Variants in ERC2 observed in about 807,000 individuals in gnomAD.
ERC2 encodes ELKS/RAB6-interacting/CAST family member 2, also known as ERC protein 2.
In ERC2, 42 loss-of-function variants were observed where a neutral mutation model predicts 114.8. The observed-to-expected ratio is 0.37, with a 90% CI of 0.29 to 0.47. The LOEUF is 0.47. ERC2 is among the 20% of genes least tolerant of loss of function. The pLI is 0.99. For missense variants in ERC2, 939 were observed against 1,150.7 expected, an observed-to-expected ratio of 0.82 and a Z score of 2.66; for synonymous variants, 454 against 425.5, an observed-to-expected ratio of 1.07 and a Z score of -0.82.
At chr3:55,633,964 T>C (rs888060788) in intron 17 of ERC2, among the ~76,000 whole-genome samples, 1 of 152,160 alleles carries the variant, frequency 6.6e-6, no homozygotes, top group East Asian at 1.9e-4. Context: ...ATGGCCTCTA[T>C]AGAGACTTCA....
intron 12 of ERC2, among the ~76,000 whole-genome samples, chr3:55,954,124 G>A (rs1336931659): frequency 1.5e-4 from 22 of 144,142 alleles, no homozygotes; most frequent in Non-Finnish European, 2.7e-4. Context: ...GTTTCTTTGG[G>A]GTGAAATTTT....
chr3:55,907,027 A>G (rs1433414155), intron 13 of ERC2, among the ~76,000 whole-genome samples: 1 of 152,138 alleles, frequency 6.6e-6, no homozygotes, highest in Non-Finnish European at 1.5e-5. Flanking sequence ...TTTCCTGAAA[A>G]CAGATACTGC....
At chr3:56,072,745 G>A (rs138960318) in intron 7 of ERC2, among the ~76,000 whole-genome samples, 2 of 152,082 alleles carry the variant, frequency 1.3e-5, no homozygotes, top group Non-Finnish European at 2.9e-5. Context: ...TCATATTAAA[G>A]GTCACTATTT....
chr3:55,712,702 C>T (rs1174336341), intron 15 of ERC2, among the ~76,000 whole-genome samples: 2 of 152,290 alleles, frequency 1.3e-5, no homozygotes, highest in Middle Eastern at 3.4e-3. Context: ...AAATAGGATG[C>T]TCCCTGCCTC....
chr3:55,823,160 G>T (rs1029070909), intron 14 of ERC2, among the ~76,000 whole-genome samples: 17 of 152,152 alleles, frequency 1.1e-4, no homozygotes, highest in Non-Finnish European at 1.9e-4. Context: ...TTGTAATTGA[G>T]CTGGCTTCAT....
chr3:55,829,136 A>G (rs2060462989), intron 14 of ERC2, among the ~76,000 whole-genome samples: 1 of 152,192 alleles, frequency 6.6e-6, no homozygotes, highest in Non-Finnish European at 1.5e-5. Context: ...CTCTCAAAAA[A>G]AATTTAGAAT....
chr3:55,828,592 A>G (rs2060433582), intron 14 of ERC2, among the ~76,000 whole-genome samples: 1 of 151,866 alleles, frequency 6.6e-6, no homozygotes, highest in South Asian at 2.1e-4. Flanking sequence ...TGAATCCTGG[A>G]GGGAAAAGAG....
intron 3 of ERC2, among the ~76,000 whole-genome samples, chr3:56,243,384 C>T (rs2051454286): frequency 6.6e-6 from 1 of 152,176 alleles, no homozygotes; most frequent in African/African-American, 2.4e-5. Flanking sequence ...GGACCTCAAG[C>T]TGCTGACAAG....
chr3:55,942,017 A>AGG (rs1255794863), intron 13 of ERC2, among the ~76,000 whole-genome samples: 7 of 152,162 alleles, frequency 4.6e-5, no homozygotes, highest in Non-Finnish European at 8.8e-5. Context: ...CCCAATGCTG[A>AGG]GGGGCACAAG....
At chr3:55,660,864 T>C (rs2061100314) in intron 17 of ERC2, among the ~76,000 whole-genome samples, 1 of 152,128 alleles carries the variant, frequency 6.6e-6, no homozygotes, top group Non-Finnish European at 1.5e-5. Context: ...ATAATAACAA[T>C]AAAAGCATAA....
chr3:56,201,543 A>C (rs1379685862), intron 3 of ERC2, among the ~76,000 whole-genome samples: 1 of 152,198 alleles, frequency 6.6e-6, no homozygotes, highest in Non-Finnish European at 1.5e-5. Context: ...AATTCTAAGA[A>C]TCTCATTAAA....
At chr3:55,868,428 G>A (rs779992431) in intron 14 of ERC2, among the ~76,000 whole-genome samples, 11 of 152,208 alleles carry the variant, frequency 7.2e-5, no homozygotes, top group Admixed American at 1.3e-4. Context: ...CATTGAGGCC[G>A]AAGTGAATGG....
intron 15 of ERC2, among the ~76,000 whole-genome samples, chr3:55,728,803 CTCTGACGGCG>C (rs1448700113): frequency 6.6e-6 from 1 of 152,170 alleles, no homozygotes; most frequent in Non-Finnish European, 1.5e-5. Context: ...AAGACTTGTA[CTCTGACGGCG>C]TGTTGTTGAG....
At position 55,568,770 on chromosome 3, in the gene ERC2, T is replaced by A. The variant is rs146553118; in HGVS notation, c.*40-57494A>T. On this transcript the variant is annotated intron_variant, in intron 17 of 17. Transcript: ENST00000288221. ...AGCTCAGGACCAACATCTGCCACCA[T>A]CTTCTGGTGACTTCCCTCCTCGTTC... is the stretch of plus-strand genomic sequence containing the variant. 4.6e-5 allele frequency among the ~76,000 whole-genome samples: 7 copies of A among 152,264 alleles called. No individual in the cohort carries two copies. The East Asian group carries it at 1.4e-3, about 29-fold the overall frequency.
intron 12 of ERC2, among the ~76,000 whole-genome samples, chr3:55,957,038 C>T (rs1487652448): frequency 2.6e-5 from 4 of 152,050 alleles, no homozygotes; most frequent in African/African-American, 9.7e-5. Flanking sequence ...ATTTACCAGG[C>T]CAGCAGGACA....
intron 17 of ERC2, among the ~76,000 whole-genome samples, chr3:55,563,213 T>C (rs747997579): frequency 1.3e-5 from 2 of 152,136 alleles, no homozygotes; most frequent in Non-Finnish European, 2.9e-5. Flanking sequence ...GAAATAATAA[T>C]CATTTCTTAG....
intron 4 of ERC2, among the ~76,000 whole-genome samples, chr3:56,162,861 T>C (rs2082124638): frequency 6.6e-6 from 1 of 152,138 alleles, no homozygotes; most frequent in Non-Finnish European, 1.5e-5. Flanking sequence ...TGGGTCTCAA[T>C]TGTGTTCAGT....
intron 2 of ERC2, among the ~76,000 whole-genome samples, chr3:56,406,062 T>G (rs773931718): frequency 1.2e-4 from 19 of 152,016 alleles, no homozygotes; most frequent in Admixed American, 6.5e-5. Context: ...TCAGCTAATT[T>G]TTGTATTTTC....
chr3:56,074,437 G>A (rs1464542054), intron 7 of ERC2, among the ~76,000 whole-genome samples: 1 of 152,046 alleles, frequency 6.6e-6, no homozygotes, highest in Non-Finnish European at 1.5e-5. Flanking sequence ...GCATGGAAAT[G>A]CAAATAATTG....
Sources: gnomAD v4.1 joint callset for allele counts (sites outside exome capture counted in the v4.1 genomes callset) on GRCh38, gnomAD v4.1.1 for gene constraint, MANE v1.5 for transcripts, NCBI Gene and HGNC (gene_info 2026-07-23, HGNC 2026-07-21) for gene names.